Variants in XIRP2 observed in about 807,000 individuals in gnomAD.
XIRP2 encodes the protein xin actin-binding repeat-containing protein 2.
XIRP2 carries 236 observed loss-of-function variants against 277.0 expected under a neutral mutation model. The ratio of observed to expected loss-of-function variants is 0.85; its 90% CI spans 0.77 to 0.95. XIRP2 has a LOEUF of 0.95. XIRP2 is among the 40% of genes least tolerant of loss of function. The pLI is 0.00. For synonymous variants in XIRP2, 1,490 were observed against 1,416.5 expected (o/e 1.05, Z -1.17); for missense variants, 4,640 against 4,157.5 (o/e 1.12, Z -3.19).
At chr2:167,117,103 T>C (rs759425879) in intron 2 of XIRP2, among the ~76,000 whole-genome samples, 8 of 152,314 alleles carry the variant, frequency 5.3e-5, no homozygotes, top group Non-Finnish European at 8.8e-5. Flanking sequence ...AACTGAACAA[T>C]AGTAAGAGGC....
rs1405142727 is a variant in XIRP2 at position 167,187,927 on chromosome 2, A to C, written c.563-22808A>C. ...TATTTCTTGGAATTTGTTGAGGGAAAGGAAGAGTTTACAACATTTTCAACT... is the reference window on the plus strand; with the variant it reads ...TATTTCTTGGAATTTGTTGAGGGAACGGAAGAGTTTACAACATTTTCAACT... On this transcript the variant is annotated intron_variant, in intron 3 of 10. Transcript: ENST00000409195. Among the ~76,000 whole-genome samples the C allele has an allele frequency of 7.9e-5, 12 of 152,320 alleles. No individual in the cohort carries two copies. The East Asian group carries it at 2.3e-3, about 29-fold the overall frequency.
chr2:167,172,840 G>A (rs892842685), intron 3 of XIRP2, among the ~76,000 whole-genome samples: 2 of 152,164 alleles, frequency 1.3e-5, no homozygotes, highest in African/African-American at 4.8e-5. Context: ...AGCTTACGAA[G>A]ATGATGGGAT....
intron 2 of XIRP2, among the ~76,000 whole-genome samples, chr2:167,036,361 C>G (rs941204181): frequency 6.6e-6 from 1 of 152,194 alleles, no homozygotes; most frequent in South Asian, 2.1e-4. Flanking sequence ...CTCCCCAAGA[C>G]CATGGGAATC....
intron 2 of XIRP2, among the ~76,000 whole-genome samples, chr2:166,909,059 C>T (rs1244269496): frequency 6.6e-6 from 1 of 152,122 alleles, no homozygotes; most frequent in East Asian, 1.9e-4. Flanking sequence ...GTGATGCCTC[C>T]AGCTTTGTTC....
chr2:167,058,905 T>A (rs1388483921), intron 2 of XIRP2, among the ~76,000 whole-genome samples: 1 of 151,968 alleles, frequency 6.6e-6, no homozygotes, highest in African/African-American at 2.4e-5. Context: ...CCAACTAGAG[T>A]AATTTATCTC....
intron 2 of XIRP2, among the ~76,000 whole-genome samples, chr2:166,915,885 A>G (rs769626423): frequency 6.6e-6 from 1 of 152,184 alleles, no homozygotes; most frequent in Non-Finnish European, 1.5e-5. Context: ...GACAAAGACT[A>G]TTCAAACATG....
intron 5 of XIRP2, among the ~76,000 whole-genome samples, chr2:167,231,897 G>A (rs1458709254): frequency 4.6e-5 from 7 of 151,852 alleles, no homozygotes; most frequent in African/African-American, 1.7e-4. Context: ...ATGTGTCTGG[G>A]GCCGGTGGCA....
chr2:166,922,926 T>C (rs1685093416), intron 2 of XIRP2, among the ~76,000 whole-genome samples: 1 of 151,698 alleles, frequency 6.6e-6, no homozygotes, highest in Non-Finnish European at 1.5e-5. Flanking sequence ...ATAGACATGC[T>C]GAATTATCCT....
intron 2 of XIRP2, among the ~76,000 whole-genome samples, chr2:167,128,771 A>C (rs182279936): frequency 6.6e-6 from 1 of 152,036 alleles, no homozygotes; most frequent in Non-Finnish European, 1.5e-5. Context: ...GGACACCTAC[A>C]TTTCTTTATT....
chr2:166,909,053 TG>T (rs1181304571), intron 2 of XIRP2, among the ~76,000 whole-genome samples: 3 of 152,228 alleles, frequency 2.0e-5, no homozygotes, highest in African/African-American at 7.2e-5. Flanking sequence ...GGTAGCGTGA[TG>T]CCTCCAGCTT....
chr2:167,155,401 A>T (rs1692155913), intron 3 of XIRP2, among the ~76,000 whole-genome samples: 1 of 151,622 alleles, frequency 6.6e-6, no homozygotes, highest in South Asian at 2.1e-4. Context: ...ATCCACCATG[A>T]TCAAGTGGGC....
At chr2:167,231,838 T>A (rs1266645531) in intron 5 of XIRP2, among the ~76,000 whole-genome samples, 1 of 152,032 alleles carries the variant, frequency 6.6e-6, no homozygotes, top group African/African-American at 2.4e-5. Flanking sequence ...AATTTATAAG[T>A]ATTTCAGAAG....
At chr2:166,928,648 T>C (rs940427566) in intron 2 of XIRP2, among the ~76,000 whole-genome samples, 3 of 152,300 alleles carry the variant, frequency 2.0e-5, no homozygotes, top group African/African-American at 7.2e-5. Context: ...CTTAATTTCT[T>C]ATCTTTTGTG....
At chr2:167,043,555 T>A (rs1382965108) in intron 2 of XIRP2, among the ~76,000 whole-genome samples, 3 of 151,926 alleles carry the variant, frequency 2.0e-5, no homozygotes, top group Non-Finnish European at 4.4e-5. Flanking sequence ...TCACAGACAA[T>A]TATGAACACT....
chr2:166,915,609 C>G (rs1195348908), intron 2 of XIRP2, among the ~76,000 whole-genome samples: 1 of 152,094 alleles, frequency 6.6e-6, no homozygotes, highest in Non-Finnish European at 1.5e-5. Flanking sequence ...CTAAAGAATC[C>G]TTTCAGCCTC....
intron 2 of XIRP2, among the ~76,000 whole-genome samples, chr2:166,941,246 T>G (rs190544271): frequency 1.3e-5 from 2 of 152,194 alleles, no homozygotes; most frequent in East Asian, 1.9e-4. Flanking sequence ...GTCCAAGCCA[T>G]GCATGGGATA....
chr2:167,003,095 A>G (rs1687414418), intron 2 of XIRP2, among the ~76,000 whole-genome samples: 1 of 151,932 alleles, frequency 6.6e-6, no homozygotes, highest in African/African-American at 2.4e-5. Context: ...TCTACATTAC[A>G]GAGAGAAGGA....
intron 2 of XIRP2, among the ~76,000 whole-genome samples, chr2:166,969,056 T>C (rs990255189): frequency 2.6e-5 from 4 of 152,034 alleles, no homozygotes; most frequent in African/African-American, 9.7e-5. Context: ...ATCCCACAGC[T>C]CTACCTTGCT....
chr2:167,102,946 ATTG>A (rs1217944077), intron 2 of XIRP2, among the ~76,000 whole-genome samples: 1 of 152,214 alleles, frequency 6.6e-6, no homozygotes, highest in Non-Finnish European at 1.5e-5. Context: ...CAAAAGACTA[ATTG>A]TTGTAAATAA....
Sources: allele counts gnomAD v4.1 joint callset (sites outside exome capture counted in the v4.1 genomes callset), GRCh38; gene constraint gnomAD v4.1.1; transcripts MANE v1.5; gene names NCBI Gene and HGNC (gene_info 2026-07-23, HGNC 2026-07-21).